Variants in LHFPL2 observed in about 807,000 individuals in gnomAD.
LHFPL2 encodes LHFPL tetraspan subfamily member 2.
LHFPL2 carries 7 observed loss-of-function variants against 17.5 expected under a neutral mutation model. The ratio of observed to expected loss-of-function variants is 0.40; its 90% CI spans 0.23 to 0.75. LHFPL2 has a LOEUF of 0.75. LHFPL2 is among the 30% of genes least tolerant of loss of function. The pLI is 0.37. For missense variants in LHFPL2, 241 were observed against 294.8 expected (o/e 0.82, Z 1.34); for synonymous variants, 134 against 116.2 (o/e 1.15, Z -0.99).
intron 2 of LHFPL2, among the ~76,000 whole-genome samples, chr5:78,607,472 A>G (rs1258860654): frequency 9.2e-5 from 14 of 152,204 alleles, no homozygotes; most frequent in Admixed American, 9.2e-4. Context: ...AATAAAAGAC[A>G]TTTAAAAATA....
intron 1 of LHFPL2, among the ~76,000 whole-genome samples, chr5:78,646,114 G>A (rs1218435895): frequency 6.6e-6 from 1 of 152,162 alleles, no homozygotes; most frequent in Admixed American, 6.5e-5. Context: ...CATGTAGCTT[G>A]GAATTGCAAG....
At chr5:78,496,327 C>G (rs1324511897) in intron 4 of LHFPL2, among the ~76,000 whole-genome samples, 1 of 152,234 alleles carries the variant, frequency 6.6e-6, no homozygotes, top group Non-Finnish European at 1.5e-5. Flanking sequence ...TTAACATTCA[C>G]TGATAAACCT....
At chr5:78,509,415 G>A (rs1307865368) in intron 4 of LHFPL2, among the ~76,000 whole-genome samples, 1 of 152,156 alleles carries the variant, frequency 6.6e-6, no homozygotes, top group East Asian at 1.9e-4. Context: ...TGGGACTCAC[G>A]CTCTCCATAA....
intron 3 of LHFPL2, among the ~76,000 whole-genome samples, chr5:78,549,813 T>A (rs1262962278): frequency 6.6e-6 from 1 of 152,220 alleles, no homozygotes; most frequent in African/African-American, 2.4e-5. Flanking sequence ...TACCTTCCAA[T>A]ATGTGGAAGT....
intron 4 of LHFPL2, among the ~76,000 whole-genome samples, chr5:78,499,220 T>C (rs566375730): frequency 6.6e-6 from 1 of 152,340 alleles, no homozygotes; most frequent in South Asian, 2.1e-4. Flanking sequence ...ACATTCACAA[T>C]GGATACTTTA....
At position 78,648,070 on chromosome 5, in the gene LHFPL2, G is replaced by A. The variant is rs774555670; in HGVS notation, c.-350+429C>T. Among the ~76,000 whole-genome samples the A allele has an allele frequency of 1.9e-4, 29 of 152,172 alleles. No individual in the cohort carries two copies. Among genetic ancestry groups the A allele is most frequent in the Non-Finnish European group, 3.8e-4 (26 of 68,022 alleles). ...ACGCCACGGACCAGGGACAGCAGGG[G>A]CGACCACGGGGCGGCCCCCAGGGAG... is the stretch of plus-strand genomic sequence containing the variant. On this transcript the variant is annotated intron_variant, in intron 1 of 4. Transcript: ENST00000380345. This position sits in a 1 kb window ranked among gnomAD's most constrained non-coding sequence, Gnocchi z 5.4.
chr5:78,557,576 A>G (rs745425391), intron 3 of LHFPL2, among the ~76,000 whole-genome samples: 21 of 152,234 alleles, frequency 1.4e-4, no homozygotes, highest in Admixed American at 2.6e-4. Flanking sequence ...TTAGATTCCT[A>G]ACATGACCCT....
At chr5:78,604,770 C>A (rs184637019) in intron 2 of LHFPL2, among the ~76,000 whole-genome samples, 56 of 152,326 alleles carry the variant, frequency 3.7e-4, no homozygotes, top group Non-Finnish European at 7.6e-4. Context: ...GACAGTATCT[C>A]TGGGGAAAGT....
chr5:78,537,710 A>G (rs1004469009), intron 3 of LHFPL2, among the ~76,000 whole-genome samples: 1 of 152,276 alleles, frequency 6.6e-6, no homozygotes, highest in Non-Finnish European at 1.5e-5. Flanking sequence ...CTCAAAATGT[A>G]ACGGAAAGAA....
chr5:78,598,560 A>T (rs1162108698), intron 2 of LHFPL2, among the ~76,000 whole-genome samples: 3 of 152,234 alleles, frequency 2.0e-5, no homozygotes, highest in African/African-American at 7.2e-5. Flanking sequence ...TTTGTATGTA[A>T]CTCTTAAACA....
intron 4 of LHFPL2, among the ~76,000 whole-genome samples, chr5:78,493,435 G>A (rs565434667): frequency 1.1e-4 from 16 of 152,316 alleles, no homozygotes; most frequent in African/African-American, 3.1e-4. Context: ...CATTTCATAC[G>A]ACTCAACCTA....
chr5:78,530,163 T>C (rs1755738869), intron 3 of LHFPL2, among the ~76,000 whole-genome samples: 1 of 152,210 alleles, frequency 6.6e-6, no homozygotes, highest in South Asian at 2.1e-4. Flanking sequence ...TTTTTCAAAA[T>C]TGCAAATAAT....
chr5:78,520,734 G>C (rs1487420869), intron 3 of LHFPL2, among the ~76,000 whole-genome samples: 1 of 152,206 alleles, frequency 6.6e-6, no homozygotes, highest in Non-Finnish European at 1.5e-5. Flanking sequence ...TTTTTCCTGG[G>C]GTGGGAGAAC....
intron 3 of LHFPL2, among the ~76,000 whole-genome samples, chr5:78,512,822 T>C (rs940500213): frequency 2.0e-5 from 3 of 150,812 alleles, no homozygotes; most frequent in Non-Finnish European, 4.4e-5. Context: ...TGGAGTGCAG[T>C]GGCATGATCT....
At chr5:78,506,951 G>T (rs534693389) in intron 4 of LHFPL2, among the ~76,000 whole-genome samples, 1 of 151,944 alleles carries the variant, frequency 6.6e-6, no homozygotes, top group African/African-American at 2.4e-5. Flanking sequence ...AGAGGCAGAA[G>T]ATCAGCACCA....
chr5:78,554,355 T>C (rs1190784661), intron 3 of LHFPL2, among the ~76,000 whole-genome samples: 2 of 152,246 alleles, frequency 1.3e-5, no homozygotes, highest in African/African-American at 4.8e-5. Context: ...GGAGAGGACA[T>C]ATCCCAGATC....
intron 2 of LHFPL2, among the ~76,000 whole-genome samples, chr5:78,607,111 CTTCT>C (rs1475916933): frequency 2.0e-5 from 3 of 151,978 alleles, no homozygotes; most frequent in African/African-American, 7.2e-5. Context: ...TGTAGTGTAT[CTTCT>C]TTTTTTATTT....
chr5:78,494,113 A>C (rs550513896), intron 4 of LHFPL2, among the ~76,000 whole-genome samples: 3 of 152,204 alleles, frequency 2.0e-5, no homozygotes, highest in African/African-American at 7.2e-5. Flanking sequence ...CCCTGCCATC[A>C]CCTTGCCTCA....
chr5:78,647,221 G>C (rs192938120), intron 1 of LHFPL2, among the ~76,000 whole-genome samples: 1 of 152,060 alleles, frequency 6.6e-6, no homozygotes, highest in Non-Finnish European at 1.5e-5. Context: ...CTCTTCCCGC[G>C]AACATGTGTT....
Sources: gnomAD v4.1 joint callset for allele counts (sites outside exome capture counted in the v4.1 genomes callset) on GRCh38, gnomAD v4.1.1 for gene constraint, Gnocchi (gnomAD v3.1) non-coding constraint, MANE v1.5 for transcripts, NCBI Gene and HGNC (gene_info 2026-07-23, HGNC 2026-07-21) for gene names.